The following AP2A1 variants were observed in gnomAD, a reference collection of about 807,000 sequenced individuals.
The protein encoded by AP2A1 is AP-2 complex subunit alpha-1.
AP2A1 carries 21 observed loss-of-function variants against 107.3 expected under a neutral mutation model. That is an observed-to-expected ratio of 0.20 (90% CI 0.14 to 0.28). The LOEUF is 0.28. Among genes scored for constraint, AP2A1 ranks in the 10% least tolerant of loss-of-function variants. The pLI, the probability that AP2A1 is intolerant of heterozygous loss-of-function variation, is 1.00. For synonymous variants in AP2A1, 602 were observed against 564.8 expected, an observed-to-expected ratio of 1.07 and a Z score of -0.93; for missense variants, 873 against 1,307.7, an observed-to-expected ratio of 0.67 and a Z score of 5.13.
rs1159062161 is a variant in AP2A1 at position 49,787,331 on chromosome 19, TTTGTTTGTTTTTTTTG to T, written c.474-4601_474-4586del. Among the ~76,000 whole-genome samples the T allele has an allele frequency of 1.0e-3, 120 of 120,524 alleles. 10 individuals carry two copies. In the Middle Eastern group the frequency reaches 0.017, roughly 17 times the overall value. 79.1% of individuals were successfully genotyped at this position (120,524 alleles called of 152,430 possible). ...AGCCACCACTCCCATCTAGGCTTTTTTTGTTTGTTTTTTTTGTTTTTTGTTTTTTTTTTTTTGAGGC... is the reference window on the plus strand; with the variant it reads ...AGCCACCACTCCCATCTAGGCTTTTTTTTTTTGTTTTTTTTTTTTTGAGGC... On this transcript the variant is annotated intron_variant, in intron 4 of 22. Transcript: ENST00000354293.
chr19:49,796,763 G>C (rs1386913247), intron 7 of AP2A1: 1 of 152,312 alleles, frequency 6.6e-6, no homozygotes, highest in East Asian at 1.9e-4. Context: ...GTGTGTACAT[G>C]TGTATATATC....
intron 1 of AP2A1, among the ~76,000 whole-genome samples, chr19:49,772,131 C>T (rs1043919888): frequency 1.3e-5 from 2 of 151,902 alleles, no homozygotes; most frequent in African/African-American, 2.4e-5. Flanking sequence ...GATCTCAGCT[C>T]GCTGCAACCT....
At chr19:49,793,137 C>T (rs1342545609) in intron 6 of AP2A1, 45 bp downstream of exon 6, 1 of 1,511,318 alleles carries the variant, frequency 6.6e-7, no homozygotes, top group South Asian at 1.2e-5. Flanking sequence ...GCCCTGGCAT[C>T]CCTATGCCCT....
At chr19:49,776,211 C>G (rs1028715073) in intron 1 of AP2A1, among the ~76,000 whole-genome samples, 1 of 152,050 alleles carries the variant, frequency 6.6e-6, no homozygotes, top group South Asian at 2.1e-4. Context: ...CGCCGCCGCC[C>G]GCATCCTCAG....
chr19:49,792,193 GCA>G (rs1307389375), intron 5 of AP2A1, 129 bp downstream of exon 5: 24 of 889,228 alleles, frequency 2.7e-5, no homozygotes, highest in East Asian at 3.2e-5. Flanking sequence ...CTCAGCCCAC[GCA>G]CCCCCTGGAT....
chr19:49,802,529 C>T, intron 15 of AP2A1: 3 of 1,604,904 alleles, frequency 1.9e-6, no homozygotes, highest in Middle Eastern at 1.7e-4. Flanking sequence ...GATTGGATGG[C>T]TCAGCGAGCT....
chr19:49,784,957 C>T (rs1168380152), intron 4 of AP2A1, among the ~76,000 whole-genome samples: 1 of 152,104 alleles, frequency 6.6e-6, no homozygotes, highest in Non-Finnish European at 1.5e-5. Context: ...GTAGGCACAG[C>T]CAAAGCCAGA....
intron 15 of AP2A1, chr19:49,802,734 A>C: frequency 9.2e-7 from 1 of 1,092,870 alleles, no homozygotes; most frequent in Admixed American, 2.7e-5. Context: ...GGAAAGGGAA[A>C]CTTGGTGTCT....
chr19:49,786,691 A>G (rs4802624), intron 4 of AP2A1, among the ~76,000 whole-genome samples: 17,663 of 152,272 alleles, frequency 0.12, 1,245 homozygotes, highest in East Asian at 0.23. Context: ...GGGAGTGGCC[A>G]GTCGCAAATG....
chr19:49,771,326 AGAAAG>A (rs2084555325), intron 1 of AP2A1, among the ~76,000 whole-genome samples: 1 of 149,994 alleles, frequency 6.7e-6, no homozygotes, highest in Non-Finnish European at 1.5e-5. Context: ...AAAAAAAAAA[AGAAAG>A]GTCCTGGAAT....
rs993243961 is a variant in AP2A1, at chr19:49,772,138, A to C, written c.67+4938A>C. On this transcript the variant is annotated intron_variant, in intron 1 of 22. Transcript: ENST00000354293. ...AGTGGTGCGATCTCAGCTCGCTGCA[A>C]CCTCCTCCTCCTGGGATCAAGCTAT... Among the ~76,000 whole-genome samples the C allele has an allele frequency of 3.4e-5, 5 of 148,780 alleles. No homozygotes were observed. In the South Asian group the frequency reaches 1.1e-3, roughly 32 times the overall value.
chr19:49,782,155 C>T, intron 3 of AP2A1, 66 bp downstream of exon 3: 1 of 675,522 alleles, frequency 1.5e-6, no homozygotes, highest in Non-Finnish European at 1.9e-6. Context: ...GGCTGGAGGT[C>T]TGGACTCCTG....
chr19:49,781,802 C>T lies in AP2A1; in HGVS notation c.113C>T (p.Ala38Val). 1 of 1,608,604 alleles carries T rather than the reference C, an allele frequency of 6.2e-7. No homozygotes were observed. Among genetic ancestry groups the T allele is most frequent in the Non-Finnish European group, 8.5e-7 (1 of 1,177,288 alleles). Residue 38 changes from alanine to valine, a missense_variant, in exon 2 of 23, where the codon GCC becomes GTC. Transcript: ENST00000354293. ...AEIKRINKEL[A>V]NIRSKFKGDK... ...ATTAAGAGAATCAACAAGGAACTGG[C>T]CAACATCCGCTCCAAGTTCAAAGGT...
rs972739494 is a variant in AP2A1, at chr19:49,770,717, C to T, written c.67+3517C>T. Among the ~76,000 whole-genome samples the T allele has an allele frequency of 6.6e-5, 10 of 152,160 alleles. No homozygotes were observed. In the East Asian group the frequency reaches 1.9e-3, roughly 29 times the overall value. ...ATGACACCAAGTGAAAGAAGCCAGA[C>T]ACAGGAGGCCACGTGTTGTATGATT... On this transcript the variant is annotated intron_variant, in intron 1 of 22. Coordinates refer to ENST00000354293, the MANE Select transcript of AP2A1 (RefSeq NM_130787.3).
rs754456801 is a variant in AP2A1, at chr19:49,795,730, C to T, written c.806C>T (p.Pro269Leu). 31 of 1,553,374 alleles carry T rather than the reference C, an allele frequency of 2.0e-5. No individual in the cohort carries two copies. Among genetic ancestry groups the T allele is most frequent in the African/African-American group, 1.8e-4 (13 of 73,260 alleles). ...CTCCTGCGGCTGCTGCAGTGCTACC[C>T]GCCTCCAGGTAATGAACGCCGTGCA... The part of the protein sequence containing the change: ...VKLLRLLQCY[P>L]PPEDAAVKGR... The change falls in exon 7 of 23, where the codon CCG (proline) becomes CTG (leucine). Residue 269 changes from proline (P) to leucine (L), a missense_variant. Around this residue, in one of 4 missense-constraint regions of AP2A1, gnomAD observed 157 missense variants for 212.6 expected, o/e 0.74. Transcript: ENST00000354293.
intron 6 of AP2A1, 39 bp from the exon 7 acceptor site, chr19:49,795,591 A>ACCCC: frequency 6.8e-6 from 2 of 295,760 alleles, no homozygotes; most frequent in African/African-American, 4.5e-5. Flanking sequence ...TGCCCCTCCC[A>ACCCC]CCCCAGCCCC....
chr19:49,806,511 A>C lies in AP2A1; in HGVS notation c.2791-170A>C, dbSNP rs1019120694. On this transcript the variant is annotated intron_variant, in intron 22 of 22. Coordinates refer to ENST00000354293, the MANE Select transcript of AP2A1 (RefSeq NM_130787.3). ...TTCCACCTTTCTCTCATCTTTTATA[A>C]TTTTCTTCCTCTCTGGCGCCTCTGT... 4.9e-6 allele frequency: 7 copies of C among 1,441,608 alleles called. No homozygotes were observed. In the Admixed American group the frequency reaches 1.1e-4, roughly 23 times the overall value. The allele number at this position is 1,441,608 out of a possible 1,614,324, so 89.3% of individuals were successfully genotyped here.
chr19:49,783,322 T>C (rs2084699973), intron 4 of AP2A1, among the ~76,000 whole-genome samples: 1 of 152,012 alleles, frequency 6.6e-6, no homozygotes, highest in Non-Finnish European at 1.5e-5. Context: ...AATCCCAATC[T>C]CTACTAAAAA....
chr19:49,794,734 C>T (rs2073190264), intron 6 of AP2A1, among the ~76,000 whole-genome samples: 1 of 152,112 alleles, frequency 6.6e-6, no homozygotes, highest in South Asian at 2.1e-4. Flanking sequence ...GTGATCTTGG[C>T]TCACTGCAAC....
Sources: gnomAD v4.1 joint callset for allele counts (sites outside exome capture counted in the v4.1 genomes callset) on GRCh38, gnomAD v4.1.1 for gene constraint, gnomAD v4.1.1 regional missense constraint, MANE v1.5 for transcripts, NCBI Gene and HGNC (gene_info 2026-07-23, HGNC 2026-07-21) for gene names.